Variants in GALNTL6 observed in about 807,000 individuals in gnomAD.
GALNTL6 encodes the protein polypeptide N-acetylgalactosaminyltransferase like 6.
In GALNTL6, 46 loss-of-function variants were observed where a neutral mutation model predicts 73.7. The observed-to-expected ratio is 0.62, with a 90% CI of 0.49 to 0.80. GALNTL6 has a LOEUF of 0.80. Among genes scored for constraint, GALNTL6 ranks in the 30% least tolerant of loss-of-function variants. GALNTL6 has a pLI of 0.00. For missense variants in GALNTL6, 604 were observed against 755.0 expected (o/e 0.80, Z 2.34); for synonymous variants, 259 against 263.7 (o/e 0.98, Z 0.17).
At chr4:171,903,986 C>T (rs899665814) in intron 2 of GALNTL6, among the ~76,000 whole-genome samples, 1 of 152,056 alleles carries the variant, frequency 6.6e-6, no homozygotes, top group Admixed American at 6.5e-5. Flanking sequence ...CACCAAAAAC[C>T]CATCTGTACA....
intron 2 of GALNTL6, among the ~76,000 whole-genome samples, chr4:171,994,726 T>C (rs1290051886): frequency 7.5e-6 from 1 of 133,504 alleles, no homozygotes; most frequent in East Asian, 2.2e-4. Flanking sequence ...ATACAAAATA[T>C]GAAAAAAAAA....
intron 2 of GALNTL6, among the ~76,000 whole-genome samples, chr4:171,962,663 A>C (rs995802230): frequency 6.6e-6 from 1 of 152,122 alleles, no homozygotes; most frequent in Admixed American, 6.5e-5. Context: ...CCAAATAATC[A>C]AGAAATAACC....
intron 2 of GALNTL6, among the ~76,000 whole-genome samples, chr4:172,038,057 G>T (rs72698954): frequency 0.02 from 2,973 of 151,872 alleles, 40 homozygotes; most frequent in Middle Eastern, 0.045. Flanking sequence ...CGATAAGGTT[G>T]CAGTGAGCCG....
intron 3 of GALNTL6, among the ~76,000 whole-genome samples, chr4:172,235,181 TA>T (rs1251853552): frequency 6.6e-6 from 1 of 152,054 alleles, no homozygotes; most frequent in African/African-American, 2.4e-5. Context: ...TTTGCTTTCT[TA>T]ATCTATTTCT....
At chr4:172,054,043 T>C (rs1730952185) in intron 2 of GALNTL6, among the ~76,000 whole-genome samples, 1 of 152,044 alleles carries the variant, frequency 6.6e-6, no homozygotes. Context: ...TTGGTTCATG[T>C]TGAGAAATAA....
chr4:172,904,535 C>T (rs184178153), intron 8 of GALNTL6, among the ~76,000 whole-genome samples: 1 of 152,278 alleles, frequency 6.6e-6, no homozygotes, highest in East Asian at 1.9e-4. Flanking sequence ...GTCCAGGGGG[C>T]TTACAGGTAC....
chr4:172,971,624 G>T (rs1579726574), intron 10 of GALNTL6, among the ~76,000 whole-genome samples: 1 of 152,340 alleles, frequency 6.6e-6, no homozygotes, highest in South Asian at 2.1e-4. Flanking sequence ...GGGGAGGATG[G>T]AAGAAAAGCA....
At chr4:172,369,193 A>G (rs911319629) in intron 5 of GALNTL6, among the ~76,000 whole-genome samples, 2 of 152,124 alleles carry the variant, frequency 1.3e-5, no homozygotes, top group African/African-American at 4.8e-5. Flanking sequence ...GTGCATTTAC[A>G]ATCCTTGAGC....
chr4:172,810,697 C>T (rs1741246463), intron 6 of GALNTL6, among the ~76,000 whole-genome samples: 1 of 152,150 alleles, frequency 6.6e-6, no homozygotes, highest in South Asian at 2.1e-4. Flanking sequence ...CATACGCCTG[C>T]ACAGGTAACT....
At chr4:172,672,829 C>A (rs956385971) in intron 5 of GALNTL6, among the ~76,000 whole-genome samples, 1 of 152,068 alleles carries the variant, frequency 6.6e-6, no homozygotes, top group African/African-American at 2.4e-5. Flanking sequence ...TAATAATATT[C>A]TCTGATGGTT....
intron 2 of GALNTL6, among the ~76,000 whole-genome samples, chr4:172,141,084 C>T (rs1388307040): frequency 2.6e-5 from 4 of 151,908 alleles, no homozygotes; most frequent in Non-Finnish European, 5.9e-5. Context: ...ATTAAATTAG[C>T]TTTAGGGAAC....
chr4:172,281,505 G>T, intron 3 of GALNTL6, among the ~76,000 whole-genome samples: 1 of 151,910 alleles, frequency 6.6e-6, no homozygotes, highest in East Asian at 1.9e-4. Flanking sequence ...GACCAGCCTG[G>T]CAAACATGGT....
intron 5 of GALNTL6, among the ~76,000 whole-genome samples, chr4:172,416,961 C>T (rs563741011): frequency 6.6e-6 from 1 of 152,202 alleles, no homozygotes; most frequent in African/African-American, 2.4e-5. Flanking sequence ...AGGTTTCAGT[C>T]CATGGTTTAT....
chr4:172,713,966 CA>C (rs1734888731), intron 5 of GALNTL6, among the ~76,000 whole-genome samples: 1 of 152,102 alleles, frequency 6.6e-6, no homozygotes, highest in African/African-American at 2.4e-5. Context: ...CCTGTAATCC[CA>C]GCACTTTGGG....
intron 5 of GALNTL6, among the ~76,000 whole-genome samples, chr4:172,480,356 G>T (rs2111480351): frequency 6.6e-6 from 1 of 152,056 alleles, no homozygotes; most frequent in African/African-American, 2.4e-5. Flanking sequence ...CTCTTTAGTG[G>T]CCTCTGGTCT....
intron 5 of GALNTL6, among the ~76,000 whole-genome samples, chr4:172,480,735 G>A (rs1349989676): frequency 6.6e-6 from 1 of 152,156 alleles, no homozygotes; most frequent in African/African-American, 2.4e-5. Context: ...TTTGTTTGTG[G>A]TCAGATGTGG....
chr4:172,761,368 T>C (rs996228172), intron 5 of GALNTL6, among the ~76,000 whole-genome samples: 2 of 152,210 alleles, frequency 1.3e-5, no homozygotes, highest in Admixed American at 6.5e-5. Flanking sequence ...ATCAGTATTA[T>C]ATTAAAAATC....
At chr4:172,200,476 C>A (rs1051968106) in intron 2 of GALNTL6, among the ~76,000 whole-genome samples, 2 of 152,058 alleles carry the variant, frequency 1.3e-5, no homozygotes, top group Non-Finnish European at 2.9e-5. Context: ...ATATGAAAAG[C>A]AAGTTGTGGA....
chr4:172,786,005 A>C (rs1739630385), intron 5 of GALNTL6, among the ~76,000 whole-genome samples: 1 of 152,208 alleles, frequency 6.6e-6, no homozygotes, highest in Admixed American at 6.5e-5. Flanking sequence ...GGGAAACCTC[A>C]GTTCCACTAT....
Sources: gnomAD v4.1 joint callset for allele counts (sites outside exome capture counted in the v4.1 genomes callset) on GRCh38, gnomAD v4.1.1 for gene constraint, MANE v1.5 for transcripts, NCBI Gene and HGNC (gene_info 2026-07-23, HGNC 2026-07-21) for gene names.